ECPAS: variants seen among roughly 807,000 people sequenced by gnomAD.
ECPAS encodes proteasome adapter and scaffold protein ECM29.
In ECPAS, 70 loss-of-function variants were observed where a neutral mutation model predicts 255.1. That is an observed-to-expected ratio of 0.27 (90% CI 0.23 to 0.33). The LOEUF (loss-of-function observed/expected upper bound fraction) is 0.33, where lower values mean the gene tolerates loss of function less well. Ranked by LOEUF, ECPAS falls within the 10% of genes least tolerant of loss-of-function variation. The probability of loss-of-function intolerance (pLI) is 1.00; values close to 1 mark genes in which losing one functional copy is unlikely to be tolerated. For missense variants in ECPAS, 1,817 were observed against 2,206.4 expected (o/e 0.82, Z 3.54); for synonymous variants, 784 against 775.0 (o/e 1.01, Z -0.19).
rs767265219 is a variant in ECPAS at position 111,428,060 on chromosome 9, C to T, written c.1032G>A (p.Thr344=). ...AAATTACCTGAATGTTGGCTGGGAA[C>T]GTTTCAGCAGCTTGTCTAGAGCGGA... ...HLLRSRQAAE[T]FPANIQVVYD... The change falls in exon 10 of 50, where the codon ACG becomes ACA. Residue 344 remains threonine (T), a synonymous_variant. Transcript: ENST00000684092. 7 of 1,613,246 alleles carry T rather than the reference C, an allele frequency of 4.3e-6. No individual in the cohort carries two copies. The highest frequency in any genetic ancestry group is 3.3e-5 in the South Asian group (3 of 90,914).
intron 2 of ECPAS, among the ~76,000 whole-genome samples, chr9:111,464,192 G>A (rs536304676): frequency 2.2e-4 from 33 of 151,886 alleles, no homozygotes; most frequent in African/African-American, 7.7e-4. Flanking sequence ...CAGCACTTTA[G>A]GAGGCTGAGG....
In ECPAS at chr9:111,440,440, A is replaced by C. The variant is rs763608994; in HGVS notation, c.471T>G (p.Leu157=). 1 of 1,613,718 alleles carries C rather than the reference A, an allele frequency of 6.2e-7. No homozygotes were observed. The highest frequency in any genetic ancestry group is 1.1e-5 in the South Asian group (1 of 91,028). ...ESSKSASPFN[L]AEKPKTVQLL... ...GCTGCACAGTCTTTGGTTTCTCAGC[A>C]AGATTAAATGGAGAAGCTGATTTTG... Residue 157 remains leucine, a synonymous_variant, in exon 6 of 50, where the codon CTT becomes CTG. Coordinates refer to ENST00000684092, the MANE Select transcript of ECPAS (RefSeq NM_001364929.1).
At chr9:111,409,800 CT>C (rs1214538093) in intron 23 of ECPAS, among the ~76,000 whole-genome samples, 1 of 152,034 alleles carries the variant, frequency 6.6e-6, no homozygotes, top group Non-Finnish European at 1.5e-5. Flanking sequence ...TCACTCAAAT[CT>C]TAACAGTTAT....
Position 111,451,687 on chromosome 9 carries a change from A to G in ECPAS, c.23-132T>C, listed in dbSNP as rs548064716. The G allele has an allele frequency of 5.0e-5, 39 of 781,474 alleles. 1 individual carries two copies. The South Asian group carries it at 8.7e-4, about 17-fold the overall frequency. 48.4% of individuals were successfully genotyped at this position (781,474 alleles called of 1,614,324 possible). ...GGACTTTAACCACAGCTAGCCCTATACAGATATTTTGACACAGCAACAAAC... is the reference window on the plus strand; with the variant it reads ...GGACTTTAACCACAGCTAGCCCTATGCAGATATTTTGACACAGCAACAAAC... On this transcript the variant is annotated intron_variant, in intron 2 of 49. Transcript: ENST00000684092.
intron 1 of ECPAS, among the ~76,000 whole-genome samples, chr9:111,478,513 C>T (rs1285342203): frequency 6.6e-6 from 1 of 151,850 alleles, no homozygotes; most frequent in Non-Finnish European, 1.5e-5. Context: ...GACAACAGTG[C>T]GAGACTCCAT....
chr9:111,415,032 G>A (rs931400407), intron 18 of ECPAS, among the ~76,000 whole-genome samples: 1 of 152,086 alleles, frequency 6.6e-6, no homozygotes, highest in Non-Finnish European at 1.5e-5. Flanking sequence ...GGGTATACTT[G>A]AGGAGAGAGG....
chr9:111,456,218 C>A (rs2131990352), intron 2 of ECPAS, among the ~76,000 whole-genome samples: 1 of 152,028 alleles, frequency 6.6e-6, no homozygotes, highest in East Asian at 1.9e-4. Flanking sequence ...TTGTGACTAC[C>A]CCCCAAGTCA....
At chr9:111,421,023 A>T (rs147270413) in intron 15 of ECPAS, among the ~76,000 whole-genome samples, 4 of 152,320 alleles carry the variant, frequency 2.6e-5, no homozygotes, top group African/African-American at 9.6e-5. Flanking sequence ...ACTTCCTTGT[A>T]AAGTTACCTA....
chr9:111,391,255 CAG>C (rs150229195), intron 29 of ECPAS, among the ~76,000 whole-genome samples: 8,443 of 152,136 alleles, frequency 0.055, 563 homozygotes, highest in African/African-American at 0.15. Flanking sequence ...AAATCTAACT[CAG>C]AGTTTGTTTC....
intron 49 of ECPAS, among the ~76,000 whole-genome samples, chr9:111,362,632 C>A (rs552004571): frequency 6.6e-6 from 1 of 151,806 alleles, no homozygotes; most frequent in Non-Finnish European, 1.5e-5. Flanking sequence ...TCGAGGAAAG[C>A]ATCTGAGAAC....
chr9:111,450,270 A>G (rs1243465577), intron 3 of ECPAS, among the ~76,000 whole-genome samples: 1 of 152,206 alleles, frequency 6.6e-6, no homozygotes, highest in Non-Finnish European at 1.5e-5. Flanking sequence ...CCTAATAGTA[A>G]GAGAAGGCCA....
At chr9:111,452,087 A>G (rs2098260985) in intron 2 of ECPAS, among the ~76,000 whole-genome samples, 1 of 152,202 alleles carries the variant, frequency 6.6e-6, no homozygotes, top group African/African-American at 2.4e-5. Flanking sequence ...GGATACTCTC[A>G]GCAAAACCCA....
chr9:111,473,274 A>G lies in ECPAS; in HGVS notation c.-82-274T>C, dbSNP rs2098291503. ...TTAAAATCTCTAATACCAATGCAAC[A>G]TATTTTATCATATATGTATATGTGT... is the stretch of plus-strand genomic sequence containing the variant. On this transcript the variant is annotated intron_variant, in intron 1 of 49. Coordinates refer to ENST00000684092, the MANE Select transcript of ECPAS (RefSeq NM_001364929.1). Among the ~76,000 whole-genome samples the G allele has an allele frequency of 2.6e-5, 4 of 152,326 alleles. No individual in the cohort carries two copies. In the South Asian group the frequency reaches 8.3e-4, roughly 32 times the overall value.
intron 18 of ECPAS, among the ~76,000 whole-genome samples, 170 bp from the exon 19 acceptor site, chr9:111,414,821 A>G (rs1006786410): frequency 3.3e-5 from 5 of 152,264 alleles, no homozygotes; most frequent in African/African-American, 1.2e-4. Flanking sequence ...AAATTTGTAT[A>G]ATAAGGTTTG....
intron 35 of ECPAS, among the ~76,000 whole-genome samples, chr9:111,379,527 G>A (rs761064753): frequency 1.3e-5 from 2 of 152,192 alleles, no homozygotes; most frequent in Non-Finnish European, 2.9e-5. Context: ...ATGCTGGCGT[G>A]GCTGTCGTAA....
chr9:111,370,260 C>T (rs991315542), intron 45 of ECPAS, among the ~76,000 whole-genome samples, 175 bp downstream of exon 45: 1 of 152,240 alleles, frequency 6.6e-6, no homozygotes, highest in African/African-American at 2.4e-5. Context: ...CTTTGTGATG[C>T]TCCCAACGCT....
Position 111,363,643 on chromosome 9 carries a change from T to G in ECPAS, c.5325A>C (p.Ser1775=), listed in dbSNP as rs755617356. 3 of 1,529,956 alleles carry G rather than the reference T, an allele frequency of 2.0e-6. No homozygotes were observed. The South Asian group carries it at 3.6e-5, about 18-fold the overall frequency. The allele number at this position is 1,529,956 out of a possible 1,614,324, so 94.8% of individuals were successfully genotyped here. A position where few individuals can be genotyped will look rare whatever the true frequency, so the allele number is the denominator to read the frequency against. Residue 1775 remains serine, a synonymous_variant, in exon 49 of 50, where the codon TCA becomes TCC. Transcript: ENST00000684092. ...CAGATAAAGCTTCTGTTCTCACAGA[T>G]GAGTAGGTCTTATTTTCTAAAAAGA... ...ITYSLENKTY[S]SVRTEALSVI... is the part of the protein sequence containing the mutation.
intron 2 of ECPAS, among the ~76,000 whole-genome samples, chr9:111,466,371 G>T (rs2098279574): frequency 6.6e-6 from 1 of 152,052 alleles, no homozygotes; most frequent in African/African-American, 2.4e-5. Flanking sequence ...CTTGAACCCG[G>T]GAGGTAGAGG....
At chr9:111,378,817 C>T in intron 35 of ECPAS, 87 bp from the exon 36 acceptor site, 1 of 1,290,782 alleles carries the variant, frequency 7.7e-7, no homozygotes, top group Non-Finnish European at 1.1e-6. Flanking sequence ...TTCTGCAGTT[C>T]ACTGCATTAA....
Sources: allele counts gnomAD v4.1 joint callset (sites outside exome capture counted in the v4.1 genomes callset), GRCh38; gene constraint gnomAD v4.1.1; transcripts MANE v1.5; gene names NCBI Gene and HGNC (gene_info 2026-07-23, HGNC 2026-07-21).